SLC9A8: variants seen among roughly 807,000 people sequenced by gnomAD.
The protein encoded by SLC9A8 is sodium/hydrogen exchanger 8.
A neutral mutation model predicts 66.6 loss-of-function variants in SLC9A8; 48 were observed. That is an observed-to-expected ratio of 0.72 (90% CI 0.57 to 0.92). SLC9A8 has a LOEUF of 0.92. SLC9A8 is among the 40% of genes least tolerant of loss of function. SLC9A8 has a pLI of 0.00. For missense variants in SLC9A8, 599 were observed against 747.3 expected, an observed-to-expected ratio of 0.80 and a Z score of 2.31; for synonymous variants, 274 against 282.6, an observed-to-expected ratio of 0.97 and a Z score of 0.31.
In SLC9A8 at chr20:49,887,875, G is replaced by T. The variant is rs761057180; in HGVS notation, c.1685G>T (p.Trp562Leu). The change falls in exon 16 of 16, where the codon TGG (tryptophan) becomes TTG (leucine). Residue 562 changes from tryptophan (W) to leucine (L), a missense_variant. Transcript: ENST00000361573. ...CAGATGAAAACTCTCACCAACAAGT[G>T]GTACGAGGAGGTACGCCAGGGCCCC... ...RIQMKTLTNK[W>L]YEEVRQGPSG... The T allele has an allele frequency of 1.2e-6, 2 of 1,613,186 alleles. No individual in the cohort carries two copies. Among genetic ancestry groups the T allele is most frequent in the Admixed American group, 1.7e-5 (1 of 59,890 alleles).
At chr20:49,843,381 G>T (rs1481908871) in intron 4 of SLC9A8, among the ~76,000 whole-genome samples, 1 of 152,116 alleles carries the variant, frequency 6.6e-6, no homozygotes. Flanking sequence ...AGGCATTTCA[G>T]AAGTCATCAT....
chr20:49,842,098 C>G (rs997853946), intron 4 of SLC9A8, among the ~76,000 whole-genome samples: 1 of 149,164 alleles, frequency 6.7e-6, no homozygotes, highest in Non-Finnish European at 1.5e-5. Flanking sequence ...GGAGCAGAGT[C>G]TCACTATGTT....
intron 9 of SLC9A8, chr20:49,863,874 CAGAT>C (rs1228929938): frequency 6.6e-6 from 1 of 152,246 alleles, no homozygotes; most frequent in Non-Finnish European, 1.5e-5. Flanking sequence ...GTTTGTGTCA[CAGAT>C]GGCCGGAAGA....
At chr20:49,887,804 G>A (rs376149284) in intron 15 of SLC9A8, 25 bp from the exon 16 acceptor site, 67 of 1,555,164 alleles carry the variant, frequency 4.3e-5, no homozygotes, top group East Asian at 3.2e-4. Flanking sequence ...ACGCCCTGAC[G>A]GCTTGGTTGT....
chr20:49,822,598 A>G (rs2086780610), intron 2 of SLC9A8, among the ~76,000 whole-genome samples: 1 of 152,224 alleles, frequency 6.6e-6, no homozygotes. Flanking sequence ...CAGCCTGTGC[A>G]ATGTGGCGAA....
At chr20:49,834,350 G>GTA (rs375573098) in intron 3 of SLC9A8, among the ~76,000 whole-genome samples, 15 of 58,564 alleles carry the variant, frequency 2.6e-4, no homozygotes, top group East Asian at 1.8e-3. Context: ...TATATATACT[G>GTA]TATATATATA....
intron 12 of SLC9A8, among the ~76,000 whole-genome samples, chr20:49,879,240 A>G (rs910378617): frequency 5.9e-5 from 9 of 152,166 alleles, no homozygotes; most frequent in African/African-American, 2.2e-4. Flanking sequence ...CCCTGCAGCT[A>G]GTGGAGATGG....
rs368653170 is a variant in SLC9A8 at position 49,823,011 on chromosome 20, T to A, written c.209-50T>A. 4 of 1,470,820 alleles carry A rather than the reference T, an allele frequency of 2.7e-6. No individual in the cohort carries two copies. The African/African-American group carries it at 5.6e-5, about 20-fold the overall frequency. 91.1% of individuals were successfully genotyped at this position (1,470,820 alleles called of 1,614,324 possible). On this transcript the variant is annotated intron_variant, in intron 2 of 15. Coordinates refer to ENST00000361573, the MANE Select transcript of SLC9A8 (RefSeq NM_015266.3). ...CTGACTTGAACTTGGTGTTTATCATTCAGAATTGAGTGTTTTTTTTAAAAC... is the reference window on the plus strand; with the variant it reads ...CTGACTTGAACTTGGTGTTTATCATACAGAATTGAGTGTTTTTTTTAAAAC...
chr20:49,857,335 G>T (rs1341579177), intron 8 of SLC9A8, among the ~76,000 whole-genome samples: 3 of 152,212 alleles, frequency 2.0e-5, no homozygotes, highest in African/African-American at 2.4e-5. Flanking sequence ...CATTTTCTTA[G>T]AAGTTTTTTT....
In SLC9A8 at chr20:49,832,911, C is replaced by CT. The variant is rs941773714; in HGVS notation, c.290-6619dup. On this transcript the variant is annotated intron_variant, in intron 3 of 15. Transcript: ENST00000361573. ...TTCACCTTTGTTTTGAAATCCTTTC[C>CT]TTTTTTTTTTTGGAGACAGAGTCTC... Among the ~76,000 whole-genome samples, 514 of 144,740 alleles carry CT rather than the reference C, an allele frequency of 3.6e-3. 3 individuals carry two copies. The highest frequency in any genetic ancestry group is 8.2e-3 in the African/African-American group (325 of 39,680). The allele number at this position is 144,740 out of a possible 152,430, so 95.0% of individuals were successfully genotyped here.
intron 8 of SLC9A8, among the ~76,000 whole-genome samples, chr20:49,862,648 C>G (rs1416286307): frequency 6.6e-6 from 1 of 152,178 alleles, no homozygotes; most frequent in Non-Finnish European, 1.5e-5. Context: ...AGCCCTCTAC[C>G]CCTCCCGCGG....
At chr20:49,885,566 G>A (rs2089858858) in intron 14 of SLC9A8, among the ~76,000 whole-genome samples, 1 of 152,252 alleles carries the variant, frequency 6.6e-6, no homozygotes, top group South Asian at 2.1e-4. Context: ...CTAACAAGTT[G>A]CCAGGTGGTG....
intron 3 of SLC9A8, among the ~76,000 whole-genome samples, chr20:49,835,004 G>T (rs2087471142): frequency 2.0e-5 from 3 of 152,156 alleles, no homozygotes. Flanking sequence ...CCACTATGTT[G>T]GCAGAAATGT....
At position 49,830,822 on chromosome 20, in the gene SLC9A8, G is replaced by A. The variant is rs2087147042; in HGVS notation, c.289+7681G>A. Reference sequence around the variant, plus strand: ...TGGCCTAGGTGACAGATCAGGCCCAGCAGACACTCTTGGACATCCTCAATC... The same window carrying A: ...TGGCCTAGGTGACAGATCAGGCCCAACAGACACTCTTGGACATCCTCAATC... On this transcript the variant is annotated intron_variant, in intron 3 of 15. Coordinates refer to ENST00000361573, the MANE Select transcript of SLC9A8 (RefSeq NM_015266.3). The A allele has an allele frequency of 9.3e-6, 13 of 1,401,226 alleles. No homozygotes were observed. In the Admixed American group the frequency reaches 2.0e-4, roughly 22 times the overall value. The allele number at this position is 1,401,226 out of a possible 1,614,324, so 86.8% of individuals were successfully genotyped here. A position where few individuals can be genotyped will look rare whatever the true frequency, so the allele number is the denominator to read the frequency against.
At chr20:49,862,570 A>G (rs1312125397) in intron 8 of SLC9A8, among the ~76,000 whole-genome samples, 1 of 151,810 alleles carries the variant, frequency 6.6e-6, no homozygotes, top group African/African-American at 2.4e-5. Flanking sequence ...ATCAGCCCAC[A>G]TTTTCTCAAG....
Position 49,887,730 on chromosome 20 carries a change from C to T in SLC9A8, c.1639-99C>T. 4.6e-6 allele frequency: 4 copies of T among 868,272 alleles called. No homozygotes were observed. In the South Asian group the frequency reaches 6.7e-5, roughly 14 times the overall value. 53.8% of individuals were successfully genotyped at this position (868,272 alleles called of 1,614,324 possible). Reference sequence around the variant, plus strand: ...GTGGCCATCACCCTGCCTCCCACCTCCTCCCTAGACACCCCACACAAAACA... The same window carrying T: ...GTGGCCATCACCCTGCCTCCCACCTTCTCCCTAGACACCCCACACAAAACA... On this transcript the variant is annotated intron_variant, in intron 15 of 15. Transcript: ENST00000361573.
chr20:49,877,154 C>G (rs931543026), intron 11 of SLC9A8, among the ~76,000 whole-genome samples: 2 of 147,956 alleles, frequency 1.4e-5, no homozygotes, highest in African/African-American at 2.5e-5. Flanking sequence ...AATAGCTGGG[C>G]GTGGTGGCGA....
At chr20:49,820,459 G>A (rs1328239514) in intron 2 of SLC9A8, among the ~76,000 whole-genome samples, 1 of 151,870 alleles carries the variant, frequency 6.6e-6, no homozygotes, top group African/African-American at 2.4e-5. Context: ...TTGCACCACT[G>A]CACTCCAGCC....
chr20:49,851,503 C>T (rs910285964), intron 7 of SLC9A8, among the ~76,000 whole-genome samples: 2 of 152,212 alleles, frequency 1.3e-5, no homozygotes, highest in Non-Finnish European at 2.9e-5. Context: ...GACAGCCTTG[C>T]TCAGTGTGTC....
Sources: allele counts gnomAD v4.1 joint callset (sites outside exome capture counted in the v4.1 genomes callset), GRCh38; gene constraint gnomAD v4.1.1; transcripts MANE v1.5; gene names NCBI Gene and HGNC (gene_info 2026-07-23, HGNC 2026-07-21).